LY75: variants seen among roughly 807,000 people sequenced by gnomAD.
The protein encoded by LY75 is lymphocyte antigen 75.
Under a neutral mutation model 231.7 loss-of-function variants are expected in LY75, and 185 were observed. That is an observed-to-expected ratio of 0.80 (90% CI 0.71 to 0.90). The LOEUF is 0.90. LY75 is among the 40% of genes least tolerant of loss of function. The probability of loss-of-function intolerance (pLI) is 0.00; values close to 1 mark genes in which losing one functional copy is unlikely to be tolerated. For synonymous variants in LY75, 668 were observed against 689.0 expected, an observed-to-expected ratio of 0.97 and a Z score of 0.48; for missense variants, 1,947 against 2,050.2, an observed-to-expected ratio of 0.95 and a Z score of 0.97.
At chr2:159,880,158 G>A (rs1452547575) in intron 8 of LY75, among the ~76,000 whole-genome samples, 1 of 152,162 alleles carries the variant, frequency 6.6e-6, no homozygotes, top group African/African-American at 2.4e-5. Flanking sequence ...TTAGATGTCT[G>A]AGTGACACAG....
rs538132737 is a variant in LY75, at chr2:159,820,035, G to T, written c.3959-115C>A. 5.1e-4 allele frequency: 535 copies of T among 1,042,976 alleles called. 5 individuals are homozygous for T. The African/African-American group carries it at 8.1e-3, about 16-fold the overall frequency. 64.6% of individuals were successfully genotyped at this position (1,042,976 alleles called of 1,614,324 possible). On this transcript the variant is annotated intron_variant, in intron 28 of 34. Transcript: ENST00000263636. ...TTCTCTTTTCCCAACCTTCTAAAAGGTTGTATGATTATGTATAACCCTTTA... is the reference window on the plus strand; with the variant it reads ...TTCTCTTTTCCCAACCTTCTAAAAGTTTGTATGATTATGTATAACCCTTTA...
intron 6 of LY75, among the ~76,000 whole-genome samples, chr2:159,883,209 C>T (rs2125877093): frequency 6.7e-6 from 1 of 150,140 alleles, no homozygotes; most frequent in South Asian, 2.1e-4. Flanking sequence ...TGCAGCGCAC[C>T]AGCATGGCAC....
intron 14 of LY75, among the ~76,000 whole-genome samples, chr2:159,862,742 T>C (rs1287733572): frequency 6.6e-6 from 1 of 152,184 alleles, no homozygotes; most frequent in Non-Finnish European, 1.5e-5. Context: ...TTGAAGTATA[T>C]ATACATTGTG....
intron 6 of LY75, among the ~76,000 whole-genome samples, chr2:159,882,978 G>GA (rs1164451490): frequency 6.6e-6 from 1 of 151,834 alleles, no homozygotes; most frequent in Non-Finnish European, 1.5e-5. Flanking sequence ...TTCCAGATTA[G>GA]AAAAAAAGAA....
intron 11 of LY75, 50 bp downstream of exon 11, chr2:159,878,274 G>C: frequency 6.4e-7 from 1 of 1,573,912 alleles, no homozygotes; most frequent in South Asian, 1.2e-5. Flanking sequence ...GAGGAGTGCT[G>C]CCTTTCACTA....
chr2:159,842,416 T>C (rs972793916), intron 23 of LY75, 42 bp from the exon 24 acceptor site: 3 of 1,576,024 alleles, frequency 1.9e-6, no homozygotes, highest in African/African-American at 1.4e-5. Flanking sequence ...CATGTAACAA[T>C]GGTCTGAAGC....
chr2:159,825,993 A>G (rs1193122948), intron 28 of LY75, among the ~76,000 whole-genome samples: 1 of 152,224 alleles, frequency 6.6e-6, no homozygotes, highest in East Asian at 1.9e-4. Flanking sequence ...ACCCACAGCC[A>G]GTATCATACT....
chr2:159,852,971 C>G (rs1219219680), intron 20 of LY75, among the ~76,000 whole-genome samples: 1 of 152,082 alleles, frequency 6.6e-6, no homozygotes, highest in African/African-American at 2.4e-5. Context: ...GGGGAGGGGA[C>G]TTAAACTATA....
At chr2:159,840,697 C>T (rs1683996359) in intron 25 of LY75, 32 bp downstream of exon 25, 2 of 1,613,452 alleles carry the variant, frequency 1.2e-6, no homozygotes, top group Admixed American at 3.3e-5. Flanking sequence ...CTTTCCATCA[C>T]CCAGTCCTGG....
intron 15 of LY75, among the ~76,000 whole-genome samples, chr2:159,858,938 G>C (rs1299860861): frequency 6.6e-6 from 1 of 152,160 alleles, no homozygotes; most frequent in Non-Finnish European, 1.5e-5. Context: ...AAAAGGATAG[G>C]GGAAGGCATT....
intron 13 of LY75, among the ~76,000 whole-genome samples, chr2:159,867,114 T>C (rs1406283662): frequency 6.6e-6 from 1 of 152,182 alleles, no homozygotes; most frequent in Non-Finnish European, 1.5e-5. Context: ...TCTCCACTAC[T>C]TTCTGAAACT....
intron 6 of LY75, 121 bp from the exon 7 acceptor site, chr2:159,882,436 T>C (rs779257133): frequency 1.3e-5 from 18 of 1,347,300 alleles, no homozygotes; most frequent in Non-Finnish European, 1.3e-5. Context: ...TGATGTCAGA[T>C]GCTACGGTGA....
chr2:159,869,398 C>T (rs1365962885), intron 13 of LY75, among the ~76,000 whole-genome samples: 1 of 151,938 alleles, frequency 6.6e-6, no homozygotes, highest in Non-Finnish European at 1.5e-5. Context: ...TGGTCATGAG[C>T]AGAATGAATG....
chr2:159,831,577 G>A (rs1683662000), intron 28 of LY75, 93 bp downstream of exon 28: 1 of 1,340,766 alleles, frequency 7.5e-7, no homozygotes, highest in Admixed American at 2.1e-5. Flanking sequence ...TTCACGTATT[G>A]ATAGACATGT....
chr2:159,808,685 A>G (rs1312688163), intron 32 of LY75, 114 bp from the exon 33 acceptor site: 2 of 1,428,634 alleles, frequency 1.4e-6, no homozygotes, highest in African/African-American at 2.9e-5. Flanking sequence ...TGATAAATTC[A>G]AGCCTTACAC....
chr2:159,883,315 TG>T (rs1461060985), intron 6 of LY75, among the ~76,000 whole-genome samples: 11 of 152,090 alleles, frequency 7.2e-5, no homozygotes, highest in African/African-American at 2.4e-4. Flanking sequence ...GTGGACAGTT[TG>T]TTTTTTTTAC....
intron 25 of LY75, among the ~76,000 whole-genome samples, chr2:159,835,991 G>A (rs1421002458): frequency 6.6e-6 from 1 of 152,122 alleles, no homozygotes; most frequent in Non-Finnish European, 1.5e-5. Flanking sequence ...ATTATGCTAC[G>A]CTGCCTCACA....
chr2:159,875,735 G>A, intron 11 of LY75, 92 bp from the exon 12 acceptor site: 1 of 1,489,594 alleles, frequency 6.7e-7, no homozygotes, highest in African/African-American at 1.4e-5. Context: ...GCCAAGTTGG[G>A]GAGAGAGAAT....
intron 3 of LY75, among the ~76,000 whole-genome samples, chr2:159,890,782 T>C (rs576541421): frequency 1.3e-5 from 2 of 152,272 alleles, no homozygotes; most frequent in South Asian, 4.1e-4. Context: ...AAAACCACTG[T>C]ATGTTTATGT....
Sources: allele counts gnomAD v4.1 joint callset (sites outside exome capture counted in the v4.1 genomes callset), GRCh38; gene constraint gnomAD v4.1.1; transcripts MANE v1.5; gene names NCBI Gene and HGNC (gene_info 2026-07-23, HGNC 2026-07-21).